Variants in BMP6 observed in about 807,000 individuals in gnomAD.
BMP6 encodes the protein bone morphogenetic protein 6.
A neutral mutation model predicts 54.1 loss-of-function variants in BMP6; 17 were observed. The observed-to-expected ratio is 0.31, with a 90% CI of 0.22 to 0.47. The LOEUF (loss-of-function observed/expected upper bound fraction) is 0.47. Among genes scored for constraint, BMP6 ranks in the 20% least tolerant of loss-of-function variants. BMP6 has a pLI of 1.00. For synonymous variants in BMP6, 328 were observed against 291.2 expected (o/e 1.13, Z -1.28); for missense variants, 720 against 690.4 (o/e 1.04, Z -0.48).
At chr6:7,761,995 C>A (rs2113142654) in intron 1 of BMP6, among the ~76,000 whole-genome samples, 1 of 152,224 alleles carries the variant, frequency 6.6e-6, no homozygotes, top group East Asian at 1.9e-4. Flanking sequence ...GATCTCAGCT[C>A]ACTGCAACCT....
intron 6 of BMP6, 43 bp from the exon 7 acceptor site, chr6:7,880,151 G>C: frequency 1.2e-6 from 2 of 1,613,996 alleles, no homozygotes; most frequent in Non-Finnish European, 1.7e-6. Flanking sequence ...CCAAGACCAG[G>C]TGTCATTTCT....
At position 7,819,634 on chromosome 6, in the gene BMP6, G is replaced by A. The variant is rs370464630; in HGVS notation, c.665-25506G>A. Among the ~76,000 whole-genome samples the A allele has an allele frequency of 3.8e-3, 576 of 152,284 alleles. 6 individuals carry two copies. Among genetic ancestry groups the A allele is most frequent in the African/African-American group, 0.013 (539 of 41,558 alleles). ...TGAACCAACATGAGCCCAACCACAG[G>A]AACCAAGAATCTGCTCTGGAAATCC... On this transcript the variant is annotated intron_variant, in intron 1 of 6. Transcript: ENST00000283147.
intron 1 of BMP6, among the ~76,000 whole-genome samples, chr6:7,823,426 A>G (rs1003727122): frequency 6.6e-6 from 1 of 152,220 alleles, no homozygotes; most frequent in African/African-American, 2.4e-5. Flanking sequence ...GCTATGTGAC[A>G]TATGGGATAT....
Position 7,862,306 on chromosome 6 carries a change from C to G in BMP6, c.1012C>G (p.His338Asp). The G allele has an allele frequency of 6.2e-7, 1 of 1,614,144 alleles. No homozygotes were observed. The highest frequency in any genetic ancestry group is 8.5e-7 in the Non-Finnish European group (1 of 1,180,034). The change falls in exon 4 of 7, where the codon CAC becomes GAC. Residue 338 changes from histidine (H) to aspartate (D), a missense_variant. This residue lies in a region of BMP6 where 650 missense variants were observed against 556.3 expected (regional missense o/e 1.17). Transcript: ENST00000283147. ...TGCTTTGATTTGCATTAAAGGAGTC[C>G]ACGTCCACCCCCGAGCCGCAGGCCT... ...QLSVVTRDGV[H>D]VHPRAAGLVG...
chr6:7,780,066 C>A (rs1297546441), intron 1 of BMP6, among the ~76,000 whole-genome samples: 1 of 152,184 alleles, frequency 6.6e-6, no homozygotes, highest in East Asian at 1.9e-4. Context: ...CTCTAGATAG[C>A]ACACACACTC....
At chr6:7,777,731 A>G (rs1757882667) in intron 1 of BMP6, among the ~76,000 whole-genome samples, 1 of 151,952 alleles carries the variant, frequency 6.6e-6, no homozygotes, top group African/African-American at 2.4e-5. Context: ...AAACCCCAGT[A>G]AACACATCAG....
At chr6:7,779,932 G>T (rs1757918614) in intron 1 of BMP6, among the ~76,000 whole-genome samples, 1 of 152,150 alleles carries the variant, frequency 6.6e-6, no homozygotes, top group Non-Finnish European at 1.5e-5. Context: ...GTGTTTGGGT[G>T]TGTATGGGCT....
chr6:7,745,078 C>T (rs931572438), intron 1 of BMP6, among the ~76,000 whole-genome samples: 45 of 152,174 alleles, frequency 3.0e-4, no homozygotes, highest in Non-Finnish European at 6.2e-4. Flanking sequence ...CCAATAGGAT[C>T]GTATTGGCCA....
chr6:7,811,876 G>A (rs1758441340), intron 1 of BMP6, among the ~76,000 whole-genome samples: 1 of 152,134 alleles, frequency 6.6e-6, no homozygotes, highest in African/African-American at 2.4e-5. Context: ...AAAAGCCTCT[G>A]GTGATGAAAA....
intron 1 of BMP6, among the ~76,000 whole-genome samples, chr6:7,790,362 A>G (rs1758077532): frequency 6.6e-6 from 1 of 150,614 alleles, no homozygotes; most frequent in African/African-American, 2.4e-5. Flanking sequence ...CAAAAAAAAT[A>G]CAGAAATTAC....
At chr6:7,834,223 C>G (rs1344458277) in intron 1 of BMP6, among the ~76,000 whole-genome samples, 2 of 139,962 alleles carry the variant, frequency 1.4e-5, no homozygotes, top group Admixed American at 1.4e-4. Context: ...AAAAGTAACC[C>G]AATTTAAATA....
intron 1 of BMP6, among the ~76,000 whole-genome samples, chr6:7,830,668 G>A (rs1758779465): frequency 1.3e-5 from 2 of 152,178 alleles, no homozygotes; most frequent in African/African-American, 2.4e-5. Flanking sequence ...CACATGACTG[G>A]GGAGGTCTCA....
chr6:7,855,064 G>A (rs982319568), intron 2 of BMP6, among the ~76,000 whole-genome samples: 3 of 152,102 alleles, frequency 2.0e-5, no homozygotes, highest in Non-Finnish European at 4.4e-5. Context: ...AGCCTAATTC[G>A]ATGACACCCT....
intron 1 of BMP6, among the ~76,000 whole-genome samples, chr6:7,842,835 T>C (rs1404486276): frequency 1.3e-5 from 2 of 152,248 alleles, no homozygotes; most frequent in African/African-American, 4.8e-5. Flanking sequence ...TTATTTCTTA[T>C]ATTTTTTCTA....
Position 7,879,065 on chromosome 6 carries a change from C to T in BMP6, c.1205-9C>T. The T allele has an allele frequency of 6.2e-7, 1 of 1,613,076 alleles. No individual in the cohort carries two copies. Among genetic ancestry groups the T allele is most frequent in the Non-Finnish European group, 8.5e-7 (1 of 1,179,012 alleles). Reference sequence around the variant, plus strand: ...TTTGATGGGTGCATCTTTTGATCTCCTCCAACAGATTACAACAGCAGTGAA... The same window carrying T: ...TTTGATGGGTGCATCTTTTGATCTCTTCCAACAGATTACAACAGCAGTGAA... On this transcript the variant is annotated splice_polypyrimidine_tract_variant and intron_variant, in intron 4 of 6. Coordinates refer to ENST00000283147, the MANE Select transcript of BMP6 (RefSeq NM_001718.6).
At chr6:7,844,992 C>T in intron 1 of BMP6, 148 bp from the exon 2 acceptor site, 1 of 604,516 alleles carries the variant, frequency 1.7e-6, no homozygotes, top group Non-Finnish European at 2.8e-6. Context: ...ATGGGCCAGC[C>T]AGTGGTCTGT....
intron 1 of BMP6, among the ~76,000 whole-genome samples, chr6:7,822,897 T>TTGTGTGTGTGTGTG (rs56161444): frequency 4.9e-5 from 6 of 121,296 alleles, no homozygotes; most frequent in African/African-American, 9.4e-5. Context: ...TTGGTGCTGG[T>TTGTGTGTGTGTGTG]TGTGTGTGTG....
intron 1 of BMP6, among the ~76,000 whole-genome samples, chr6:7,826,397 C>A (rs951458077): frequency 6.6e-6 from 1 of 152,204 alleles, no homozygotes; most frequent in African/African-American, 2.4e-5. Flanking sequence ...GGCAGTGTGA[C>A]CACACACCTG....
At chr6:7,862,638 C>G in intron 4 of BMP6, 140 bp downstream of exon 4, 1 of 1,122,196 alleles carries the variant, frequency 8.9e-7, no homozygotes, top group Non-Finnish European at 1.3e-6. Context: ...CATGATGGTA[C>G]CTTGTACAGT....
Sources: allele counts gnomAD v4.1 joint callset (sites outside exome capture counted in the v4.1 genomes callset), GRCh38; gene constraint gnomAD v4.1.1; regional missense constraint gnomAD v4.1.1; transcripts MANE v1.5; gene names NCBI Gene and HGNC (gene_info 2026-07-23, HGNC 2026-07-21).